SPTLC3: variants seen among roughly 807,000 people sequenced by gnomAD.
SPTLC3 encodes serine palmitoyltransferase 3.
In SPTLC3, 36 loss-of-function variants were observed where a neutral mutation model predicts 59.3. The observed-to-expected ratio is 0.61, with a 90% CI of 0.47 to 0.80. The LOEUF (loss-of-function observed/expected upper bound fraction) is 0.80, where lower values mean the gene tolerates loss of function less well. SPTLC3 is among the 30% of genes least tolerant of loss of function. SPTLC3 has a pLI of 0.00. For synonymous variants in SPTLC3, 257 were observed against 240.8 expected (o/e 1.07, Z -0.62); for missense variants, 625 against 685.1 (o/e 0.91, Z 0.98).
Position 13,142,037 on chromosome 20 carries a change from C to T in SPTLC3, c.1280-11966C>T, listed in dbSNP as rs561983404. ...AACTCTAGTTAAGAGGGAAAGTTTG[C>T]CTGGTTGTGCAGAAATAGCTAGCAA... On this transcript the variant is annotated intron_variant, in intron 9 of 11. Transcript: ENST00000399002. Among the ~76,000 whole-genome samples the T allele has an allele frequency of 4.6e-5, 7 of 152,320 alleles. No homozygotes were observed. In the South Asian group the frequency reaches 1.5e-3, roughly 32 times the overall value.
intron 9 of SPTLC3, among the ~76,000 whole-genome samples, chr20:13,146,526 C>A (rs1460850397): frequency 6.6e-6 from 1 of 152,118 alleles, no homozygotes; most frequent in Non-Finnish European, 1.5e-5. Flanking sequence ...TAATTAATGG[C>A]TTGCTAAAAT....
intron 8 of SPTLC3, among the ~76,000 whole-genome samples, chr20:13,124,637 G>A (rs1048830633): frequency 6.6e-6 from 1 of 152,144 alleles, no homozygotes; most frequent in East Asian, 1.9e-4. Context: ...CACATCCCTT[G>A]GTTCCCCTCA....
chr20:13,060,732 C>T (rs779564022), intron 2 of SPTLC3, among the ~76,000 whole-genome samples: 10 of 151,824 alleles, frequency 6.6e-5, no homozygotes, highest in South Asian at 4.2e-4. Context: ...AGTTGTTTCA[C>T]TTAAGATAAC....
At chr20:13,142,009 C>T (rs2038394736) in intron 9 of SPTLC3, among the ~76,000 whole-genome samples, 1 of 152,204 alleles carries the variant, frequency 6.6e-6, no homozygotes, top group Non-Finnish European at 1.5e-5. Flanking sequence ...AGCCAACAAA[C>T]TGAACTCTAG....
intron 10 of SPTLC3, among the ~76,000 whole-genome samples, chr20:13,156,962 G>T (rs972226413): frequency 1.3e-5 from 2 of 152,178 alleles, no homozygotes; most frequent in Non-Finnish European, 2.9e-5. Flanking sequence ...TATATTAGAT[G>T]CTGGATAATA....
chr20:13,052,091 GA>G (rs780757395), intron 2 of SPTLC3, among the ~76,000 whole-genome samples: 22 of 152,030 alleles, frequency 1.4e-4, no homozygotes, highest in Admixed American at 2.0e-4. Context: ...CAAGATGGCC[GA>G]ACAGGAACAG....
At chr20:13,118,498 G>A (rs985659680) in intron 8 of SPTLC3, among the ~76,000 whole-genome samples, 2 of 146,730 alleles carry the variant, frequency 1.4e-5, no homozygotes, top group Admixed American at 1.4e-4. Flanking sequence ...AATTTAAAAG[G>A]AGGGAAAGGA....
At chr20:13,113,397 A>G (rs112599256) in intron 7 of SPTLC3, among the ~76,000 whole-genome samples, 176 of 152,188 alleles carry the variant, frequency 1.2e-3, no homozygotes, top group African/African-American at 4.0e-3. Flanking sequence ...ACCCCCACAT[A>G]CATCAGCACA....
At chr20:13,128,718 T>A (rs2038051126) in intron 9 of SPTLC3, among the ~76,000 whole-genome samples, 1 of 151,314 alleles carries the variant, frequency 6.6e-6, no homozygotes, top group Non-Finnish European at 1.5e-5. Context: ...TGAGACAGAG[T>A]CTTGCTCTGT....
chr20:13,091,796 G>C (rs1989231925), intron 5 of SPTLC3, among the ~76,000 whole-genome samples: 1 of 152,052 alleles, frequency 6.6e-6, no homozygotes, highest in Non-Finnish European at 1.5e-5. Context: ...GTTCCCATCT[G>C]CAACTTCTCA....
intron 10 of SPTLC3, among the ~76,000 whole-genome samples, chr20:13,156,876 T>G (rs1453856728): frequency 6.6e-6 from 1 of 152,192 alleles, no homozygotes; most frequent in Non-Finnish European, 1.5e-5. Flanking sequence ...TTACAATTTT[T>G]GGTTGCATTA....
intron 2 of SPTLC3, among the ~76,000 whole-genome samples, chr20:13,056,741 CTTTTT>C (rs34096106): frequency 1.5e-5 from 2 of 129,190 alleles, no homozygotes; most frequent in Non-Finnish European, 3.3e-5. Flanking sequence ...CATCCTTAAT[CTTTTT>C]TTTTTTTTTT....
intron 1 of SPTLC3, among the ~76,000 whole-genome samples, chr20:13,012,148 G>T (rs1015178141): frequency 1.3e-5 from 2 of 151,982 alleles, no homozygotes; most frequent in Admixed American, 1.3e-4. Flanking sequence ...TGTCTCCATT[G>T]CATTTTCCCA....
At chr20:13,134,739 T>C (rs995978063) in intron 9 of SPTLC3, among the ~76,000 whole-genome samples, 42 of 151,064 alleles carry the variant, frequency 2.8e-4, no homozygotes, top group African/African-American at 9.8e-4. Context: ...TTCTGGCAGA[T>C]GCAAACAAAG....
chr20:13,119,807 C>T (rs28731768), intron 8 of SPTLC3, among the ~76,000 whole-genome samples: 5,436 of 152,240 alleles, frequency 0.036, 316 homozygotes, highest in African/African-American at 0.12. Context: ...GGGCTGTTTC[C>T]AAGACCTGGG....
chr20:13,049,250 C>A (rs1160764374), intron 2 of SPTLC3, 120 bp downstream of exon 2: 1 of 1,119,134 alleles, frequency 8.9e-7, no homozygotes, highest in East Asian at 2.6e-5. Context: ...CTATTCAGGG[C>A]AAATTTCATT....
At chr20:13,091,626 G>A (rs928083468) in intron 5 of SPTLC3, among the ~76,000 whole-genome samples, 4 of 151,914 alleles carry the variant, frequency 2.6e-5, no homozygotes, top group Non-Finnish European at 5.9e-5. Context: ...CTTTTCGTAG[G>A]AGAAACTGAT....
intron 6 of SPTLC3, among the ~76,000 whole-genome samples, chr20:13,097,204 A>T (rs1268240122): frequency 6.6e-6 from 1 of 152,122 alleles, no homozygotes; most frequent in Non-Finnish European, 1.5e-5. Context: ...CTGAAGGATT[A>T]AGATAATTCT....
At chr20:13,082,846 A>G (rs1988884579) in intron 4 of SPTLC3, among the ~76,000 whole-genome samples, 1 of 152,228 alleles carries the variant, frequency 6.6e-6, no homozygotes, top group African/African-American at 2.4e-5. Flanking sequence ...AACTTCATTG[A>G]CATCGGCACC....
Sources: allele counts gnomAD v4.1 joint callset (sites outside exome capture counted in the v4.1 genomes callset), GRCh38; gene constraint gnomAD v4.1.1; transcripts MANE v1.5; gene names NCBI Gene and HGNC (gene_info 2026-07-23, HGNC 2026-07-21).